Variants in AGAP4 observed in about 807,000 individuals in gnomAD.
AGAP4 encodes the protein arf-GAP with GTPase, ANK repeat and PH domain-containing protein 4.
AGAP4 carries 13 observed loss-of-function variants against 60.7 expected under a neutral mutation model. The ratio of observed to expected loss-of-function variants is 0.21; its 90% CI spans 0.14 to 0.34. The LOEUF is 0.34. Ranked by LOEUF, AGAP4 falls within the 10% of genes least tolerant of loss-of-function variation. AGAP4 has a pLI of 1.00. For missense variants in AGAP4, 169 were observed against 884.0 expected, an observed-to-expected ratio of 0.19 and a Z score of 10.26; for synonymous variants, 70 against 339.0, an observed-to-expected ratio of 0.21 and a Z score of 8.72.
upstream of AGAP4, chr10:45,847,638 G>C: frequency 7.2e-7 from 1 of 1,384,024 alleles, no homozygotes; most frequent in Non-Finnish European, 9.4e-7. Flanking sequence ...AACAAGTGCT[G>C]AGAGACACAA....
At chr10:45,841,097 T>G (rs1310303259) in intron 4 of AGAP4, among the ~76,000 whole-genome samples, 2 of 87,370 alleles carry the variant, frequency 2.3e-5, no homozygotes. Flanking sequence ...ATTAAATATT[T>G]AAGGCAATTT....
intron 6 of AGAP4, among the ~76,000 whole-genome samples, chr10:45,828,295 A>T (rs1213470429): frequency 6.7e-6 from 1 of 148,338 alleles, no homozygotes; most frequent in Non-Finnish European, 1.5e-5. Flanking sequence ...TATGATAACC[A>T]GTCAGAAATG....
chr10:45,849,076 A>T (rs1448843033), upstream of AGAP4, among the ~76,000 whole-genome samples: 1 of 141,542 alleles, frequency 7.1e-6, no homozygotes, highest in Admixed American at 7.1e-5. Context: ...AAATACAAAA[A>T]TTAGCTGGGT....
upstream of AGAP4, among the ~76,000 whole-genome samples, chr10:45,848,436 G>C (rs1282501792): frequency 5.5e-5 from 8 of 146,602 alleles, no homozygotes; most frequent in African/African-American, 2.0e-4. Flanking sequence ...GAGCCATAAA[G>C]TGGCTTACCA....
chr10:45,834,413 C>T (rs2135936014), intron 4 of AGAP4, among the ~76,000 whole-genome samples: 1 of 142,274 alleles, frequency 7.0e-6, no homozygotes, highest in Non-Finnish European at 1.5e-5. Context: ...CGGTGGCTCA[C>T]ACCTGTAATC....
upstream of AGAP4, among the ~76,000 whole-genome samples, chr10:45,852,133 C>G (rs572873913): frequency 1.0e-3 from 155 of 149,540 alleles, 1 homozygote; most frequent in Admixed American, 8.7e-3. Flanking sequence ...AGGATGGTCT[C>G]CGTCTCTTGA....
intron 4 of AGAP4, among the ~76,000 whole-genome samples, chr10:45,834,804 C>G (rs1191905450): frequency 1.4e-5 from 2 of 143,930 alleles, no homozygotes; most frequent in Non-Finnish European, 3.0e-5. Flanking sequence ...GACGGAGTCT[C>G]GCTCTGTCGC....
chr10:45,837,229 C>CAAAT (rs1412690394), intron 4 of AGAP4, among the ~76,000 whole-genome samples: 6 of 145,724 alleles, frequency 4.1e-5, no homozygotes, highest in African/African-American at 1.5e-4. Flanking sequence ...TGGACACAAA[C>CAAAT]AAATGGAAAG....
intron 4 of AGAP4, among the ~76,000 whole-genome samples, chr10:45,834,975 G>A (rs1442782372): frequency 2.7e-5 from 4 of 146,386 alleles, no homozygotes; most frequent in South Asian, 2.1e-4. Flanking sequence ...GGGTTTCACC[G>A]TGTTAGCCAG....
At chr10:45,848,558 G>C (rs1377723636), upstream of AGAP4, among the ~76,000 whole-genome samples, 1 of 151,742 alleles carries the variant, frequency 6.6e-6, no homozygotes, top group African/African-American at 2.4e-5. Context: ...TCATGTTACA[G>C]ATTTTGCAGA....
upstream of AGAP4, among the ~76,000 whole-genome samples, chr10:45,851,899 C>A (rs1554900434): frequency 6.7e-6 from 1 of 148,774 alleles, no homozygotes; most frequent in African/African-American, 2.5e-5. Flanking sequence ...CTTTTGATGA[C>A]CTTTATTTTA....
At chr10:45,852,297 A>C (rs1590046728), upstream of AGAP4, among the ~76,000 whole-genome samples, 1 of 145,306 alleles carries the variant, frequency 6.9e-6, no homozygotes, top group African/African-American at 2.5e-5. Flanking sequence ...TCTTGATACA[A>C]CTAACTAAAA....
chr10:45,853,628 C>T, intron 1 of AGAP4: 4 of 1,285,238 alleles, frequency 3.1e-6, no homozygotes, highest in Non-Finnish European at 4.0e-6. Context: ...TAAAAAAACA[C>T]AGCCATGGAT....
chr10:45,828,686 C>CTT lies in AGAP4; in HGVS notation c.534-608_534-607dup, dbSNP rs1229743163. On this transcript the variant is annotated intron_variant, in intron 6 of 7. Transcript: ENST00000616763. ...GAAGGCCTAAGAGGTCATAACTGTTCTTTTTTTTTTTTTTTTTTTTTTTTT... is the reference window on the plus strand; with the variant it reads ...GAAGGCCTAAGAGGTCATAACTGTTCTTTTTTTTTTTTTTTTTTTTTTTTTTT... 8.2e-4 allele frequency among the ~76,000 whole-genome samples: 34 copies of CTT among 41,362 alleles called. 2 individuals are homozygous for CTT. The highest frequency in any genetic ancestry group is 1.1e-3 in the Non-Finnish European group (25 of 23,558). The allele number at this position is 41,362 out of a possible 152,430, so 27.1% of individuals were successfully genotyped here.
chr10:45,826,623 G>C lies in AGAP4; in HGVS notation c.1353C>G (p.Ser451Arg), dbSNP rs2058652456. 1 of 1,402,286 alleles carries C rather than the reference G, an allele frequency of 7.1e-7. No individual in the cohort carries two copies. Among genetic ancestry groups the C allele is most frequent in the Admixed American group, 1.8e-5 (1 of 55,798 alleles). The allele number at this position is 1,402,286 out of a possible 1,614,324, so 86.9% of individuals were successfully genotyped here. A position where few individuals can be genotyped will look rare whatever the true frequency, so the allele number is the denominator to read the frequency against. Residue 451 changes from serine to arginine, a missense_variant, in exon 8 of 8, where the codon AGC (serine) becomes AGG (arginine). Ser to Arg is a moderately radical substitution (Grantham distance 110, BLOSUM62 -1). Transcript: ENST00000616763. ...TGGTCAGCTGGGACTTGCTTTTACT[G>C]CTCTCGCATGACTGCAGGCTGGCCA... Reference protein sequence around the residue: ...QILASLQSCESSKSKSQLTSQ... With the variant: ...QILASLQSCERSKSKSQLTSQ...
At chr10:45,834,954 T>C (rs1386069393) in intron 4 of AGAP4, among the ~76,000 whole-genome samples, 4 of 146,888 alleles carry the variant, frequency 2.7e-5, no homozygotes, top group Middle Eastern at 3.4e-3. Flanking sequence ...TTTGTGTTTT[T>C]AGTAGAGACG....
chr10:45,834,779 T>C (rs1390124420), intron 4 of AGAP4, among the ~76,000 whole-genome samples: 1 of 143,124 alleles, frequency 7.0e-6, no homozygotes, highest in African/African-American at 2.9e-5. Context: ...AATTAATTTA[T>C]TTATTTATTT....
chr10:45,849,797 T>C (rs1157608907), upstream of AGAP4, among the ~76,000 whole-genome samples: 1 of 150,732 alleles, frequency 6.6e-6, no homozygotes, highest in African/African-American at 2.4e-5. Context: ...TGCGCCACCA[T>C]GCCCAGCTAA....
intron 4 of AGAP4, among the ~76,000 whole-genome samples, chr10:45,834,639 C>T (rs1447216901): frequency 2.7e-5 from 2 of 73,258 alleles, no homozygotes; most frequent in Non-Finnish European, 4.7e-5. Flanking sequence ...CGCGCCACTG[C>T]ACTCCAGGCC....
Sources: allele counts gnomAD v4.1 joint callset (sites outside exome capture counted in the v4.1 genomes callset), GRCh38; gene constraint gnomAD v4.1.1; transcripts MANE v1.5; gene names NCBI Gene and HGNC (gene_info 2026-07-23, HGNC 2026-07-21).